Variants in ALK observed in about 807,000 individuals in gnomAD.
ALK encodes ALK receptor tyrosine kinase.
In ALK, 74 loss-of-function variants were observed where a neutral mutation model predicts 163.1. That is an observed-to-expected ratio of 0.45 (90% CI 0.38 to 0.55). The LOEUF (loss-of-function observed/expected upper bound fraction) is 0.55. Ranked by LOEUF, ALK falls within the 20% of genes least tolerant of loss-of-function variation. The pLI, the probability that ALK is intolerant of heterozygous loss-of-function variation, is 0.00. For missense variants in ALK, 2,063 were observed against 2,105.3 expected (o/e 0.98, Z 0.39); for synonymous variants, 960 against 843.2 (o/e 1.14, Z -2.40).
chr2:29,395,831 C>T (rs1313127729), intron 4 of ALK, among the ~76,000 whole-genome samples: 5 of 152,164 alleles, frequency 3.3e-5, no homozygotes. Context: ...GGTCCCCCTT[C>T]TGTCTATTAG....
rs557560242 is a variant in ALK at position 29,614,974 on chromosome 2, T to A, written c.952+79876A>T. On this transcript the variant is annotated intron_variant, in intron 3 of 28. Transcript: ENST00000389048. ...TCTTTAACAAGTATCATGGATAATTTTTTTAAGTTTTATTTATTCATTTTT... is the reference window on the plus strand; with the variant it reads ...TCTTTAACAAGTATCATGGATAATTATTTTAAGTTTTATTTATTCATTTTT... 9.2e-5 allele frequency among the ~76,000 whole-genome samples: 14 copies of A among 152,268 alleles called. No homozygotes were observed. The East Asian group carries it at 2.7e-3, about 29-fold the overall frequency.
chr2:29,224,029 GC>G (rs759084187), intron 19 of ALK: 15 of 257,786 alleles, frequency 5.8e-5, no homozygotes, highest in Non-Finnish European at 9.1e-5. Context: ...GGGTTCTGGA[GC>G]CAAAGTCAGT....
At chr2:29,510,003 C>T (rs927064520) in intron 4 of ALK, among the ~76,000 whole-genome samples, 26 of 152,210 alleles carry the variant, frequency 1.7e-4, no homozygotes, top group African/African-American at 6.0e-4. Flanking sequence ...CCAGGATTGC[C>T]TATGGGATCA....
In ALK at chr2:29,677,267, TC is replaced by T. The variant is rs1402881973; in HGVS notation, c.952+17582del. On this transcript the variant is annotated intron_variant, in intron 3 of 28. Coordinates refer to ENST00000389048, the MANE Select transcript of ALK (RefSeq NM_004304.5). ...TCCCCTCCCCTCCCCTCCCCTCCCC[TC>T]CCCTCCCATCCCCTCCCCTTCCCTT... Among the ~76,000 whole-genome samples, 8 of 29,120 alleles carry T rather than the reference TC, an allele frequency of 2.7e-4. 1 individual carries two copies. In the East Asian group the frequency reaches 0.013, roughly 47 times the overall value. The allele number at this position is 29,120 out of a possible 152,430, so 19.1% of individuals were successfully genotyped here.
intron 1 of ALK, among the ~76,000 whole-genome samples, chr2:29,835,937 G>A (rs929834013): frequency 3.3e-5 from 5 of 151,848 alleles, no homozygotes; most frequent in African/African-American, 9.7e-5. Flanking sequence ...TGTCTTTATC[G>A]GCAGTGTGAA....
chr2:29,522,183 G>A (rs975571873), intron 4 of ALK, among the ~76,000 whole-genome samples: 11 of 152,170 alleles, frequency 7.2e-5, no homozygotes, highest in Admixed American at 6.5e-4. Flanking sequence ...GATTAGCTGG[G>A]CTCAGATCCA....
intron 9 of ALK, among the ~76,000 whole-genome samples, chr2:29,282,210 G>C (rs1665735179): frequency 6.6e-6 from 1 of 152,118 alleles, no homozygotes; most frequent in Admixed American, 6.5e-5. Context: ...GTACTGTAGA[G>C]GAAAAACACT....
intron 12 of ALK, among the ~76,000 whole-genome samples, chr2:29,250,445 G>A (rs904925525): frequency 1.3e-5 from 2 of 152,184 alleles, no homozygotes; most frequent in East Asian, 1.9e-4. Context: ...TGTTAGAAAT[G>A]TCAGTTCTCA....
chr2:29,525,597 C>A (rs557680309), intron 4 of ALK, among the ~76,000 whole-genome samples: 37 of 152,042 alleles, frequency 2.4e-4, no homozygotes, highest in African/African-American at 8.2e-4. Flanking sequence ...TGAGACCAGC[C>A]TGGCCAAGAT....
At chr2:29,388,996 GCTT>G (rs1669097043) in intron 4 of ALK, among the ~76,000 whole-genome samples, 2 of 152,180 alleles carry the variant, frequency 1.3e-5, no homozygotes, top group South Asian at 4.1e-4. Context: ...TAGAGTAAAA[GCTT>G]CTTCTTTACC....
intron 4 of ALK, among the ~76,000 whole-genome samples, chr2:29,473,656 T>G (rs544343521): frequency 6.6e-6 from 1 of 151,676 alleles, no homozygotes; most frequent in East Asian, 1.9e-4. Context: ...ATCAGGGAAA[T>G]GCAGGAGTTT....
intron 7 of ALK, among the ~76,000 whole-genome samples, chr2:29,319,462 C>A (rs1320045201): frequency 1.3e-5 from 2 of 152,160 alleles, no homozygotes; most frequent in African/African-American, 2.4e-5. Flanking sequence ...GAAAAGCCCT[C>A]ATGCAGGCAG....
At chr2:29,534,043 G>A (rs1293646800) in intron 3 of ALK, among the ~76,000 whole-genome samples, 1 of 152,184 alleles carries the variant, frequency 6.6e-6, no homozygotes, top group Non-Finnish European at 1.5e-5. Context: ...GTAGGACACT[G>A]GAGAGAAGAC....
intron 1 of ALK, among the ~76,000 whole-genome samples, chr2:29,884,481 G>T (rs1328307673): frequency 1.3e-5 from 2 of 152,132 alleles, no homozygotes; most frequent in Admixed American, 1.3e-4. Context: ...AAAATGTGAA[G>T]CCATTGCTGT....
At chr2:29,355,872 C>T (rs1668235088) in intron 5 of ALK, among the ~76,000 whole-genome samples, 1 of 152,160 alleles carries the variant, frequency 6.6e-6, no homozygotes, top group South Asian at 2.1e-4. Flanking sequence ...GACAAGGACA[C>T]CTAAGACTCT....
intron 3 of ALK, among the ~76,000 whole-genome samples, chr2:29,620,691 C>G (rs759923282): frequency 8.0e-4 from 122 of 152,090 alleles, no homozygotes; most frequent in Non-Finnish European, 1.6e-3. Context: ...CCTTCCAGCT[C>G]TAATAGCCAA....
chr2:29,913,647 C>T, intron 1 of ALK, among the ~76,000 whole-genome samples: 1 of 152,204 alleles, frequency 6.6e-6, no homozygotes, highest in Admixed American at 6.5e-5. Context: ...GAGGCAATGG[C>T]TCAGCTATGG....
At chr2:29,853,030 T>C (rs955046494) in intron 1 of ALK, among the ~76,000 whole-genome samples, 28 of 152,322 alleles carry the variant, frequency 1.8e-4, no homozygotes, top group South Asian at 6.2e-4. Context: ...ACACAGTCTA[T>C]GGTATTTTGT....
intron 2 of ALK, among the ~76,000 whole-genome samples, chr2:29,698,623 T>G (rs1385752662): frequency 3.3e-5 from 5 of 152,204 alleles, no homozygotes; most frequent in Non-Finnish European, 7.3e-5. Context: ...TACATGTGTA[T>G]ACAACAGACA....
Sources: gnomAD v4.1 joint callset for allele counts (sites outside exome capture counted in the v4.1 genomes callset) on GRCh38, gnomAD v4.1.1 for gene constraint, MANE v1.5 for transcripts, NCBI Gene and HGNC (gene_info 2026-07-23, HGNC 2026-07-21) for gene names.